The following BMAL1 variants were observed in gnomAD, a reference collection of about 807,000 sequenced individuals.
BMAL1 encodes the protein basic helix-loop-helix ARNT like 1.
the BMAL1 span, chr11:13,381,059 C>A: frequency 8.1e-7 from 1 of 1,232,742 alleles, no homozygotes; most frequent in Non-Finnish European, 1.2e-6. Flanking sequence ...GCTTGCCAAA[C>A]CCTAATCTAG....
the BMAL1 span, chr11:13,355,405 C>G: frequency 2.8e-6 from 3 of 1,078,894 alleles, no homozygotes; most frequent in African/African-American, 1.5e-5. Flanking sequence ...AGAAAGACTG[C>G]GAGATGTTGG....
the BMAL1 span, chr11:13,386,868 T>C: frequency 7.8e-7 from 1 of 1,283,474 alleles, no homozygotes; most frequent in Non-Finnish European, 1.1e-6. Flanking sequence ...TGTACTGACT[T>C]CATAAAAGCC....
At chr11:13,339,043 T>A in the BMAL1 span, among the ~76,000 whole-genome samples, 1 of 152,338 alleles carries the variant, frequency 6.6e-6, no homozygotes, top group Non-Finnish European at 1.5e-5. Context: ...CAGGGACCTC[T>A]TCCTCCAGCT....
the BMAL1 span, among the ~76,000 whole-genome samples, chr11:13,290,787 C>A: frequency 6.6e-6 from 1 of 152,064 alleles, no homozygotes; most frequent in African/African-American, 2.4e-5. Context: ...GATTCAAACT[C>A]AGAACAGTCT....
the BMAL1 span, among the ~76,000 whole-genome samples, chr11:13,330,217 C>T: frequency 3.3e-5 from 5 of 152,130 alleles, no homozygotes; most frequent in African/African-American, 7.2e-5. Context: ...CCTAGATGGC[C>T]GCCTTTCAAG....
At chr11:13,336,846 G>A in the BMAL1 span, among the ~76,000 whole-genome samples, 12 of 152,190 alleles carry the variant, frequency 7.9e-5, no homozygotes, top group South Asian at 4.1e-4. Context: ...CTTAACACTC[G>A]CTGTTGGAAA....
chr11:13,366,719 A>G, the BMAL1 span: 1 of 1,614,066 alleles, frequency 6.2e-7, no homozygotes, highest in African/African-American at 1.3e-5. Flanking sequence ...AGATATTGCC[A>G]AAGTCAAGGA....
the BMAL1 span, chr11:13,354,673 C>A: frequency 1.9e-6 from 1 of 527,460 alleles, no homozygotes; most frequent in Non-Finnish European, 3.3e-6. Context: ...TTCCTGTCCC[C>A]AAAATGTTCT....
chr11:13,337,466 A>G, the BMAL1 span, among the ~76,000 whole-genome samples: 1 of 152,218 alleles, frequency 6.6e-6, no homozygotes, highest in Admixed American at 6.5e-5. Flanking sequence ...ATATCTATTA[A>G]AAGAGTACTA....
chr11:13,284,077 GGTGTGT>G, the BMAL1 span, among the ~76,000 whole-genome samples: 1,197 of 85,576 alleles, frequency 0.014, 260 homozygotes, highest in African/African-American at 0.058. Flanking sequence ...ACAGTGTTGG[GGTGTGT>G]GTGTGTGTGT....
At chr11:13,332,733 G>A in the BMAL1 span, among the ~76,000 whole-genome samples, 2 of 152,006 alleles carry the variant, frequency 1.3e-5, no homozygotes, top group African/African-American at 4.8e-5. Flanking sequence ...TGTGTGACTC[G>A]GCCAGGAGAC....
chr11:13,286,364 G>T, the BMAL1 span, among the ~76,000 whole-genome samples: 1 of 152,222 alleles, frequency 6.6e-6, no homozygotes, highest in Non-Finnish European at 1.5e-5. Context: ...AGACAGTAGT[G>T]CAGAGAGTGG....
chr11:13,330,453 A>C, the BMAL1 span, among the ~76,000 whole-genome samples: 1 of 152,268 alleles, frequency 6.6e-6, no homozygotes, highest in Non-Finnish European at 1.5e-5. Flanking sequence ...GTTATTAAAA[A>C]ACAGTTAAAA....
At chr11:13,372,062 T>A in the BMAL1 span, 38 of 1,486,600 alleles carry the variant, frequency 2.6e-5, no homozygotes, top group Non-Finnish European at 3.2e-5. Flanking sequence ...GATTTTTTTT[T>A]ATTTTTTGAC....
chr11:13,312,026 T>A, the BMAL1 span, among the ~76,000 whole-genome samples: 1 of 152,212 alleles, frequency 6.6e-6, no homozygotes, highest in African/African-American at 2.4e-5. Flanking sequence ...GAGTGTACCT[T>A]CTTTGGTTTG....
the BMAL1 span, chr11:13,376,507 C>T: frequency 3.5e-6 from 3 of 847,194 alleles, no homozygotes; most frequent in Non-Finnish European, 6.1e-6. Flanking sequence ...GACCTGTTTA[C>T]CCACTCAGAC....
the BMAL1 span, among the ~76,000 whole-genome samples, chr11:13,368,323 A>ATTAATG: frequency 6.6e-6 from 1 of 152,254 alleles, no homozygotes; most frequent in Non-Finnish European, 1.5e-5. Flanking sequence ...GAAAAGATGA[A>ATTAATG]TTAATGTTTG....
the BMAL1 span, among the ~76,000 whole-genome samples, chr11:13,312,511 CACTT>C: frequency 6.6e-6 from 1 of 152,186 alleles, no homozygotes; most frequent in East Asian, 1.9e-4. Context: ...AAACCTCAAA[CACTT>C]ACTTTAACTG....
At chr11:13,324,637 T>C in the BMAL1 span, among the ~76,000 whole-genome samples, 1 of 152,236 alleles carries the variant, frequency 6.6e-6, no homozygotes, top group Non-Finnish European at 1.5e-5. Flanking sequence ...TGTCTTCTTA[T>C]TTAGTGTTTG....
Sources: gnomAD v4.1 joint callset for allele counts (sites outside exome capture counted in the v4.1 genomes callset) on GRCh38, gnomAD v4.1.1 for gene constraint, MANE v1.5 for transcripts, NCBI Gene and HGNC (gene_info 2026-07-23, HGNC 2026-07-21) for gene names.